Variants in FRY observed in about 807,000 individuals in gnomAD.
FRY encodes the protein protein furry homolog.
FRY carries 128 observed loss-of-function variants against 348.4 expected under a neutral mutation model. That is an observed-to-expected ratio of 0.37 (90% CI 0.32 to 0.43). The LOEUF (loss-of-function observed/expected upper bound fraction) is 0.43. FRY is among the 20% of genes least tolerant of loss of function. The probability of loss-of-function intolerance (pLI) is 1.00; values close to 1 mark genes in which losing one functional copy is unlikely to be tolerated. For missense variants in FRY, 2,736 were observed against 3,695.2 expected (o/e 0.74, Z 6.73); for synonymous variants, 1,370 against 1,374.7 (o/e 1.00, Z 0.08).
Position 32,240,482 on chromosome 13 carries a change from CT to C in FRY, c.6687+605del, listed in dbSNP as rs1886444617. Among the ~76,000 whole-genome samples, 4 of 152,122 alleles carry C rather than the reference CT, an allele frequency of 2.6e-5. No individual in the cohort carries two copies. In the South Asian group the frequency reaches 6.2e-4, roughly 24 times the overall value. ...ATTCTGAAATAAACTTTATTCTCGCCTTTTATGTTTGTTTTTAAAACTGGAA... is the reference window on the plus strand; with the variant it reads ...ATTCTGAAATAAACTTTATTCTCGCCTTTATGTTTGTTTTTAAAACTGGAA... On this transcript the variant is annotated intron_variant, in intron 46 of 60. Transcript: ENST00000542859.
At chr13:32,141,174 C>G (rs549578555) in intron 11 of FRY, among the ~76,000 whole-genome samples, 1 of 152,122 alleles carries the variant, frequency 6.6e-6, no homozygotes, top group East Asian at 1.9e-4. Context: ...CGTTATTTTC[C>G]ATGAATGCCT....
At position 32,136,960 on chromosome 13, in the gene FRY, G is replaced by A. The variant is rs1225337744; in HGVS notation, c.1167G>A (p.Leu389=). 21 of 1,572,266 alleles carry A rather than the reference G, an allele frequency of 1.3e-5. No homozygotes were observed. The highest frequency in any genetic ancestry group is 1.8e-5 in the Non-Finnish European group (20 of 1,142,026). The change falls in exon 11 of 61, where the codon TTG becomes TTA. Residue 389 remains leucine, a synonymous_variant. Coordinates refer to ENST00000542859, the MANE Select transcript of FRY (RefSeq NM_023037.3). ...NRWHIFLNNC[L]SNLKNKDPKM... ...GGCACATTTTCCTCAACAACTGCTTGTCCAACCTTAAAGTTAGTATTTGTC... is the reference window on the plus strand; with the variant it reads ...GGCACATTTTCCTCAACAACTGCTTATCCAACCTTAAAGTTAGTATTTGTC...
At chr13:32,164,296 G>A (rs898295637) in intron 17 of FRY, among the ~76,000 whole-genome samples, 5 of 152,142 alleles carry the variant, frequency 3.3e-5, no homozygotes, top group Admixed American at 6.5e-5. Context: ...TGTTATTTCT[G>A]ACACTTCACA....
chr13:32,138,145 GT>G (rs33953205), intron 11 of FRY, among the ~76,000 whole-genome samples: 222 of 145,988 alleles, frequency 1.5e-3, no homozygotes, highest in Non-Finnish European at 2.6e-3. Context: ...TTGTTTTTTT[GT>G]TTTTTTTTTG....
chr13:32,288,667 C>T (rs570238428), intron 58 of FRY, among the ~76,000 whole-genome samples: 3 of 152,256 alleles, frequency 2.0e-5, no homozygotes, highest in Admixed American at 6.5e-5. Flanking sequence ...AAAGAAAGGC[C>T]GTATTTATCC....
chr13:32,283,480 A>G (rs1888911697), intron 58 of FRY, among the ~76,000 whole-genome samples: 1 of 152,234 alleles, frequency 6.6e-6, no homozygotes, highest in African/African-American at 2.4e-5. Context: ...TTCCAAAAAG[A>G]AAACGGGAAA....
intron 15 of FRY, among the ~76,000 whole-genome samples, chr13:32,156,388 G>C (rs546625429): frequency 6.6e-6 from 1 of 152,210 alleles, no homozygotes; most frequent in Non-Finnish European, 1.5e-5. Context: ...CTCCACCTGA[G>C]GTTGGGAGTT....
At position 32,133,764 on chromosome 13, in the gene FRY, CTTTCTTTT is replaced by C. The variant is rs1306589825; in HGVS notation, c.886-1136_886-1129del. Among the ~76,000 whole-genome samples the C allele has an allele frequency of 4.8e-4, 52 of 108,480 alleles. 1 individual carries two copies. In the East Asian group the frequency reaches 0.012, roughly 24 times the overall value. The allele number at this position is 108,480 out of a possible 152,430, so 71.2% of individuals were successfully genotyped here. On this transcript the variant is annotated intron_variant, in intron 8 of 60. Transcript: ENST00000542859. ...GACTCTTTCTTTTCTTTCTTTCTTT[CTTTCTTTT>C]TTTTTTTTTTTTTTTTTTGAATTTG...
intron 20 of FRY, 39 bp downstream of exon 20, chr13:32,175,671 G>T (rs745646016): frequency 1.8e-6 from 2 of 1,131,602 alleles, no homozygotes; most frequent in African/African-American, 1.5e-5. Context: ...GCTCTTAAAA[G>T]CTCTGGACCT....
chr13:32,191,715 CT>C (rs979444226), intron 28 of FRY, among the ~76,000 whole-genome samples: 2 of 152,068 alleles, frequency 1.3e-5, no homozygotes, highest in African/African-American at 2.4e-5. Context: ...AGGCAGCAGT[CT>C]TTTTGCTGTG....
At chr13:32,102,466 T>A (rs781458923) in intron 3 of FRY, among the ~76,000 whole-genome samples, 2 of 152,216 alleles carry the variant, frequency 1.3e-5, no homozygotes, top group Non-Finnish European at 2.9e-5. Flanking sequence ...GTACTGGTGA[T>A]ACAAAATCTA....
intron 47 of FRY, among the ~76,000 whole-genome samples, chr13:32,244,654 T>C (rs1315215251): frequency 6.6e-6 from 1 of 152,122 alleles, no homozygotes; most frequent in Admixed American, 6.5e-5. Flanking sequence ...TACTTGAAAA[T>C]ACTGCAACAA....
At chr13:32,049,018 G>A (rs555807018) in intron 1 of FRY, among the ~76,000 whole-genome samples, 2 of 152,288 alleles carry the variant, frequency 1.3e-5, no homozygotes, top group East Asian at 3.9e-4. Flanking sequence ...CACAATCAAA[G>A]ACAGCCTACT....
intron 46 of FRY, among the ~76,000 whole-genome samples, chr13:32,241,981 C>T (rs1886535587): frequency 6.6e-6 from 1 of 152,154 alleles, no homozygotes; most frequent in South Asian, 2.1e-4. Context: ...CTTCTTTGCT[C>T]ACTTATTATT....
chr13:32,044,376 A>G (rs1872908507), intron 1 of FRY, among the ~76,000 whole-genome samples: 1 of 152,202 alleles, frequency 6.6e-6, no homozygotes. Context: ...AGGTATCGCA[A>G]TGGTTAAATA....
At chr13:32,153,489 T>C (rs1880925013) in intron 14 of FRY, among the ~76,000 whole-genome samples, 1 of 152,174 alleles carries the variant, frequency 6.6e-6, no homozygotes, top group Admixed American at 6.6e-5. Flanking sequence ...AAAGGTGGAA[T>C]GTGGAAATTA....
In FRY at chr13:32,274,848, C is replaced by G. The variant is rs1387243427; in HGVS notation, c.8143C>G (p.Gln2715Glu). ...TCACTATTTTGCCTTGCAGAATATTCAGAAAAGGTTCTGCTTCCTAACCTG... is the reference window on the plus strand; with the variant it reads ...TCACTATTTTGCCTTGCAGAATATTGAGAAAAGGTTCTGCTTCCTAACCTG... Reference protein sequence around the residue: ...HVFSSLFKNIQKRFCFLTCDA... With the variant: ...HVFSSLFKNIEKRFCFLTCDA... The change falls in exon 56 of 61, where the codon CAG (glutamine) becomes GAG (glutamate). Residue 2715 changes from glutamine to glutamate, a missense_variant. Physicochemically the swap from Gln to Glu is conservative, Grantham distance 29 (BLOSUM62 2). Coordinates refer to ENST00000542859, the MANE Select transcript of FRY (RefSeq NM_023037.3). 1.2e-5 allele frequency: 20 copies of G among 1,610,184 alleles called. No homozygotes were observed. Among genetic ancestry groups the G allele is most frequent in the Non-Finnish European group, 1.6e-5 (19 of 1,177,480 alleles).
rs942372658 is a variant in FRY at position 32,297,565 on chromosome 13, G to A, written c.*2105G>A. 2.0e-5 allele frequency: 3 copies of A among 151,876 alleles called. No individual in the cohort carries two copies. The highest frequency in any genetic ancestry group is 7.3e-5 in the African/African-American group (3 of 41,342). 9.4% of individuals were successfully genotyped at this position (151,876 alleles called of 1,614,324 possible). On this transcript the variant is annotated 3_prime_UTR_variant, in exon 61 of 61. Transcript: ENST00000542859. ...CCAAGATATTAACATAGGAAGCAGT[G>A]GTCTGTGTTTTTCTCAATTTTATTT...
chr13:32,039,145 C>T (rs1872658123), intron 1 of FRY, among the ~76,000 whole-genome samples: 1 of 152,166 alleles, frequency 6.6e-6, no homozygotes, highest in Non-Finnish European at 1.5e-5. Context: ...TTCACTACAT[C>T]AGAGAACCAT....
Sources: allele counts gnomAD v4.1 joint callset (sites outside exome capture counted in the v4.1 genomes callset), GRCh38; gene constraint gnomAD v4.1.1; transcripts MANE v1.5; gene names NCBI Gene and HGNC (gene_info 2026-07-23, HGNC 2026-07-21).